The following SDK2 variants were observed in gnomAD, a reference collection of about 807,000 sequenced individuals.
SDK2 encodes the protein protein sidekick-2.
SDK2 carries 105 observed loss-of-function variants against 253.9 expected under a neutral mutation model. The ratio of observed to expected loss-of-function variants is 0.41; its 90% CI spans 0.35 to 0.49. SDK2 has a LOEUF of 0.49. Ranked by LOEUF, SDK2 falls within the 20% of genes least tolerant of loss-of-function variation. The pLI is 0.06. For synonymous variants in SDK2, 1,249 were observed against 1,234.9 expected, an observed-to-expected ratio of 1.01 and a Z score of -0.24; for missense variants, 2,608 against 3,003.0, an observed-to-expected ratio of 0.87 and a Z score of 3.07.
rs760561767 is a variant in SDK2, at chr17:73,335,970, A to G, written c.*2617T>C. ...GAGCGTGTGGGGAGTGGGGGGGTGG[A>G]ATATCTTAGTGCACCAGGTGATTCA... On this transcript the variant is annotated 3_prime_UTR_variant, in exon 45 of 45. Transcript: ENST00000392650. 1 of 152,322 alleles carries G rather than the reference A, an allele frequency of 6.6e-6. No individual in the cohort carries two copies. The highest frequency in any genetic ancestry group is 1.5e-5 in the Non-Finnish European group (1 of 68,104). The allele number at this position is 152,322 out of a possible 1,614,324, so 9.4% of individuals were successfully genotyped here.
At chr17:73,477,400 A>C (rs1288681152) in intron 2 of SDK2, among the ~76,000 whole-genome samples, 5 of 151,822 alleles carry the variant, frequency 3.3e-5, no homozygotes, top group African/African-American at 9.7e-5. Context: ...ACTCAAGAGG[A>C]AGTGCAGTGT....
chr17:73,464,069 G>C (rs1879977374), intron 3 of SDK2, among the ~76,000 whole-genome samples: 1 of 152,180 alleles, frequency 6.6e-6, no homozygotes, highest in Non-Finnish European at 1.5e-5. Context: ...GTGGTTTTAT[G>C]TGTTGTTTAT....
rs28690742 is a variant in SDK2 at position 73,622,426 on chromosome 17, G to A, written c.64+21599C>T. 1.9e-3 allele frequency among the ~76,000 whole-genome samples: 295 copies of A among 152,296 alleles called. 11 individuals carry two copies. In the East Asian group the frequency reaches 0.054, roughly 28 times the overall value. On this transcript the variant is annotated intron_variant, in intron 1 of 44. Transcript: ENST00000392650. ...TCCTGAACTACAGTATGATGCTTCT[G>A]GATTCCAGAAATTAGGGCTGTTTTC...
intron 5 of SDK2, among the ~76,000 whole-genome samples, chr17:73,442,502 G>A (rs1383238117): frequency 6.6e-6 from 1 of 152,132 alleles, no homozygotes; most frequent in Non-Finnish European, 1.5e-5. Flanking sequence ...CACCACGTCC[G>A]GCTAATTTTT....
At chr17:73,475,418 C>T (rs996764497) in intron 2 of SDK2, among the ~76,000 whole-genome samples, 4 of 152,162 alleles carry the variant, frequency 2.6e-5, no homozygotes, top group African/African-American at 4.8e-5. Flanking sequence ...TCCCAAACTG[C>T]TGGGATTACA....
chr17:73,406,003 A>T (rs1274199391), intron 18 of SDK2, among the ~76,000 whole-genome samples: 1 of 151,968 alleles, frequency 6.6e-6, no homozygotes, highest in Non-Finnish European at 1.5e-5. Context: ...GATTACAGGC[A>T]TGAGCCACCG....
chr17:73,473,547 T>C (rs1230938424), intron 2 of SDK2, among the ~76,000 whole-genome samples: 1 of 152,244 alleles, frequency 6.6e-6, no homozygotes, highest in Non-Finnish European at 1.5e-5. Context: ...AACCCTGGGA[T>C]GCAGCAGCCT....
chr17:73,452,605 T>A (rs922605954), intron 4 of SDK2, among the ~76,000 whole-genome samples: 2 of 151,956 alleles, frequency 1.3e-5, no homozygotes, highest in Non-Finnish European at 2.9e-5. Context: ...AGGAAAGGGA[T>A]GATGGGAGTA....
chr17:73,379,117 C>T lies in SDK2; in HGVS notation c.4980+60G>A, dbSNP rs1481558274. ...CTGCCTCCCACATATCACTCACTCCCCAGCCTCCGACCTGGCTTCTCATCC... is the reference window on the plus strand; with the variant it reads ...CTGCCTCCCACATATCACTCACTCCTCAGCCTCCGACCTGGCTTCTCATCC... On this transcript the variant is annotated intron_variant, in intron 36 of 44. Transcript: ENST00000392650. This position sits in a 1 kb window ranked among gnomAD's most constrained non-coding sequence, Gnocchi z 4.5. 13 of 1,317,380 alleles carry T rather than the reference C, an allele frequency of 9.9e-6. No individual in the cohort carries two copies. In the Admixed American group the frequency reaches 1.0e-4, roughly 10 times the overall value. 81.6% of individuals were successfully genotyped at this position (1,317,380 alleles called of 1,614,324 possible).
At chr17:73,407,041 C>CT (rs1402198406) in intron 18 of SDK2, among the ~76,000 whole-genome samples, 2 of 152,162 alleles carry the variant, frequency 1.3e-5, no homozygotes, top group African/African-American at 2.4e-5. Flanking sequence ...ATTAAAGAGT[C>CT]TGTCATCATG....
chr17:73,393,729 G>A lies in SDK2; in HGVS notation c.3729C>T (p.Asp1243=). 1 of 1,582,866 alleles carries A rather than the reference G, an allele frequency of 6.3e-7. No homozygotes were observed. Among genetic ancestry groups the A allele is most frequent in the Non-Finnish European group, 8.6e-7 (1 of 1,157,418 alleles). The part of the protein sequence containing the change: ...LGYKVMYKEK[D]SDTQPRFWLV... ...GCCAGAATCGGGGCTGGGTGTCCGA[G>A]TCCTTCTCCTTATACATCACCTGTC... The change falls in exon 27 of 45, where the codon GAC becomes GAT. Residue 1243 remains aspartate, a synonymous_variant. Transcript: ENST00000392650.
intron 1 of SDK2, among the ~76,000 whole-genome samples, chr17:73,626,299 G>C (rs771600305): frequency 1.3e-5 from 2 of 151,858 alleles, no homozygotes; most frequent in South Asian, 2.1e-4. Flanking sequence ...GGCTCGGGAG[G>C]GGGAGGACAG....
chr17:73,428,837 G>A (rs889660431), intron 12 of SDK2, among the ~76,000 whole-genome samples: 1 of 152,010 alleles, frequency 6.6e-6, no homozygotes, highest in Non-Finnish European at 1.5e-5. Flanking sequence ...TGCCAATTTT[G>A]GGGGGGATAA....
chr17:73,569,917 T>G (rs2045360370), intron 1 of SDK2, among the ~76,000 whole-genome samples: 2 of 151,866 alleles, frequency 1.3e-5, no homozygotes, highest in Non-Finnish European at 2.9e-5. Context: ...CCAGAAGATA[T>G]GGGGGTGATA....
intron 9 of SDK2, among the ~76,000 whole-genome samples, chr17:73,434,607 C>T (rs1444700277): frequency 6.6e-6 from 1 of 152,206 alleles, no homozygotes; most frequent in African/African-American, 2.4e-5. Flanking sequence ...TTTACACAGA[C>T]CTTTGAGCTT....
rs1165858375 is a variant in SDK2, at chr17:73,401,905, G to C, written c.2680+41C>G. The C allele has an allele frequency of 2.0e-6, 3 of 1,484,174 alleles. No homozygotes were observed. The South Asian group carries it at 3.7e-5, about 18-fold the overall frequency. 91.9% of individuals were successfully genotyped at this position (1,484,174 alleles called of 1,614,324 possible). On this transcript the variant is annotated intron_variant, in intron 19 of 44. Transcript: ENST00000392650. The stretch of plus-strand genomic sequence containing the variant: ...GCCTGGGGCGCCCAGCCTGGCCTTG[G>C]GCGGGGGGGGGCAGAAAGAGCAGGG...
intron 12 of SDK2, among the ~76,000 whole-genome samples, chr17:73,429,813 G>A (rs945701704): frequency 4.6e-5 from 7 of 152,198 alleles, no homozygotes; most frequent in African/African-American, 1.2e-4. Flanking sequence ...CTTGGGGGTG[G>A]GGGTAGGGTT....
intron 21 of SDK2, among the ~76,000 whole-genome samples, chr17:73,400,776 C>G (rs1318714971): frequency 6.6e-6 from 1 of 152,052 alleles, no homozygotes; most frequent in Non-Finnish European, 1.5e-5. Context: ...TCCTCAGCCT[C>G]CCAACTAACT....
intron 1 of SDK2, among the ~76,000 whole-genome samples, chr17:73,555,427 G>A (rs2045128258): frequency 6.6e-6 from 1 of 152,210 alleles, no homozygotes; most frequent in African/African-American, 2.4e-5. Context: ...ACTGGACCTT[G>A]GACTCCGCGC....
Sources: allele counts gnomAD v4.1 joint callset (sites outside exome capture counted in the v4.1 genomes callset), GRCh38; gene constraint gnomAD v4.1.1; non-coding constraint Gnocchi (gnomAD v3.1); transcripts MANE v1.5; gene names NCBI Gene and HGNC (gene_info 2026-07-23, HGNC 2026-07-21).